Variants in TMC1 observed in about 807,000 individuals in gnomAD.
TMC1 encodes the protein transmembrane channel like 1.
A neutral mutation model predicts 105.8 loss-of-function variants in TMC1; 84 were observed. The observed-to-expected ratio is 0.79, with a 90% CI of 0.67 to 0.95. TMC1 has a LOEUF of 0.95. Among genes scored for constraint, TMC1 ranks in the 40% least tolerant of loss-of-function variants. TMC1 has a pLI of 0.00. For synonymous variants in TMC1, 315 were observed against 311.5 expected, an observed-to-expected ratio of 1.01 and a Z score of -0.12; for missense variants, 817 against 914.1, an observed-to-expected ratio of 0.89 and a Z score of 1.37.
chr9:72,802,581 C>T (rs1205649663), intron 17 of TMC1, among the ~76,000 whole-genome samples: 1 of 152,050 alleles, frequency 6.6e-6, no homozygotes, highest in African/African-American at 2.4e-5. Context: ...TGCTCCTGAA[C>T]GACTCCTGAG....
At chr9:72,599,718 G>A (rs1824775848) in intron 2 of TMC1, among the ~76,000 whole-genome samples, 1 of 151,888 alleles carries the variant, frequency 6.6e-6, no homozygotes, top group South Asian at 2.1e-4. Context: ...GCTGAGGCAG[G>A]AAAGTCACTT....
At chr9:72,766,748 G>A (rs184744908) in intron 12 of TMC1, among the ~76,000 whole-genome samples, 1 of 152,280 alleles carries the variant, frequency 6.6e-6, no homozygotes, top group African/African-American at 2.4e-5. Flanking sequence ...AATTAGATCT[G>A]CCTAGGCTCA....
chr9:72,546,048 C>T lies in TMC1; in HGVS notation c.-428+24135C>T, dbSNP rs529090131. On this transcript the variant is annotated intron_variant, in intron 1 of 23. Coordinates refer to ENST00000297784, the MANE Select transcript of TMC1 (RefSeq NM_138691.3). ...CTGTAATCCCACCACTTTGGGAGGC[C>T]GAGGTGGATGGATCACCTGAGGTCA... 3.3e-5 allele frequency among the ~76,000 whole-genome samples: 5 copies of T among 151,298 alleles called. No homozygotes were observed. The South Asian group carries it at 6.3e-4, about 19-fold the overall frequency.
In TMC1 at chr9:72,707,874, A is replaced by G. The variant is rs567231079; in HGVS notation, c.362+7231A>G. On this transcript the variant is annotated intron_variant, in intron 8 of 23. Transcript: ENST00000297784. The stretch of plus-strand genomic sequence containing the variant: ...AAGGTTTTTTCTGATGTTATCTTCC[A>G]GAATTTTTATAGTTTCAAGTCTTAG... Among the ~76,000 whole-genome samples the G allele has an allele frequency of 2.4e-4, 37 of 152,308 alleles. No homozygotes were observed. In the South Asian group the frequency reaches 7.5e-3, roughly 31 times the overall value.
intron 6 of TMC1, among the ~76,000 whole-genome samples, chr9:72,691,310 A>T (rs1467612414): frequency 6.6e-6 from 1 of 152,088 alleles, no homozygotes; most frequent in Non-Finnish European, 1.5e-5. Context: ...TCTCCATTAT[A>T]TTAGGGCTGG....
At chr9:72,648,859 TTC>T (rs1275561700) in intron 5 of TMC1, among the ~76,000 whole-genome samples, 195 bp downstream of exon 5, 1 of 152,226 alleles carries the variant, frequency 6.6e-6, no homozygotes, top group African/African-American at 2.4e-5. Context: ...CTCCACCTTC[TTC>T]TCTTTTATGG....
intron 8 of TMC1, among the ~76,000 whole-genome samples, chr9:72,725,227 TTAAAA>T (rs1355763336): frequency 6.6e-6 from 1 of 150,542 alleles, no homozygotes; most frequent in East Asian, 2.0e-4. Flanking sequence ...AATGCACATA[TTAAAA>T]TAAATTTTGA....
chr9:72,590,484 A>G (rs1564430033), intron 2 of TMC1, among the ~76,000 whole-genome samples: 1 of 152,224 alleles, frequency 6.6e-6, no homozygotes, highest in Non-Finnish European at 1.5e-5. Context: ...AATTCCAGCC[A>G]TACCATTTCC....
At chr9:72,610,315 G>T (rs1454896335) in intron 2 of TMC1, among the ~76,000 whole-genome samples, 1 of 152,138 alleles carries the variant, frequency 6.6e-6, no homozygotes, top group Admixed American at 6.5e-5. Flanking sequence ...TAAGAAATTG[G>T]CTCACATGAT....
chr9:72,604,382 G>A (rs1166277072), intron 2 of TMC1, among the ~76,000 whole-genome samples: 1 of 152,104 alleles, frequency 6.6e-6, no homozygotes, highest in Non-Finnish European at 1.5e-5. Flanking sequence ...CTATGCCCTT[G>A]AATCTTTACA....
intron 10 of TMC1, among the ~76,000 whole-genome samples, chr9:72,750,764 ACCATGGGTTGAGAGG>A (rs1449378569): frequency 6.6e-6 from 1 of 152,086 alleles, no homozygotes; most frequent in Non-Finnish European, 1.5e-5. Context: ...CTCACTCTTT[ACCATGGGTTGAGAGG>A]CCCCACACAC....
chr9:72,734,962 T>C (rs1264687380), intron 8 of TMC1, among the ~76,000 whole-genome samples: 1 of 152,216 alleles, frequency 6.6e-6, no homozygotes, highest in Non-Finnish European at 1.5e-5. Flanking sequence ...TCATGTGTTA[T>C]GGGTAAATTA....
chr9:72,585,951 T>A (rs1824548378), intron 2 of TMC1, among the ~76,000 whole-genome samples: 2 of 152,242 alleles, frequency 1.3e-5, no homozygotes, highest in South Asian at 4.1e-4. Flanking sequence ...TTGACTTTGG[T>A]AGCTATTTTA....
At chr9:72,610,751 C>T (rs1392724231) in intron 2 of TMC1, among the ~76,000 whole-genome samples, 3 of 152,208 alleles carry the variant, frequency 2.0e-5, no homozygotes, top group Non-Finnish European at 4.4e-5. Context: ...TAAAATTAAA[C>T]ACCATAAAGA....
At chr9:72,783,005 T>A (rs538392173) in intron 13 of TMC1, among the ~76,000 whole-genome samples, 5 of 152,046 alleles carry the variant, frequency 3.3e-5, no homozygotes, top group South Asian at 2.1e-4. Context: ...TTAAAAAAAA[T>A]TTAAAAAGCT....
intron 2 of TMC1, among the ~76,000 whole-genome samples, chr9:72,593,951 T>C (rs534911782): frequency 6.6e-6 from 1 of 152,246 alleles, no homozygotes; most frequent in South Asian, 2.1e-4. Flanking sequence ...AATATGGCGA[T>C]GGTAGGGGCA....
At chr9:72,803,269 T>A (rs896795504) in intron 17 of TMC1, among the ~76,000 whole-genome samples, 11 of 152,026 alleles carry the variant, frequency 7.2e-5, no homozygotes, top group African/African-American at 2.2e-4. Context: ...AAGCCAAAAC[T>A]ATAAAAACCA....
rs770508485 is a variant in TMC1, at chr9:72,752,190, A to T, written c.642+234A>T. Among the ~76,000 whole-genome samples the T allele has an allele frequency of 1.2e-4, 18 of 152,066 alleles. 1 individual carries two copies. Among genetic ancestry groups the T allele is most frequent in the Non-Finnish European group, 2.1e-4 (14 of 68,026 alleles). ...ATAACTTATGTATAATTTCACATGT[A>T]TGTTTAAATGTGTATTTTTATGTGG... On this transcript the variant is annotated intron_variant, in intron 11 of 23. Transcript: ENST00000297784.
At chr9:72,695,212 A>AT (rs1826529393) in intron 7 of TMC1, among the ~76,000 whole-genome samples, 2 of 152,184 alleles carry the variant, frequency 1.3e-5, no homozygotes, top group South Asian at 4.1e-4. Context: ...AATATTAACT[A>AT]TTTGGCCCTT....
Sources: allele counts gnomAD v4.1 joint callset (sites outside exome capture counted in the v4.1 genomes callset), GRCh38; gene constraint gnomAD v4.1.1; transcripts MANE v1.5; gene names NCBI Gene and HGNC (gene_info 2026-07-23, HGNC 2026-07-21).